Variants in KCTD16 observed in about 807,000 individuals in gnomAD.
KCTD16 encodes the protein BTB/POZ domain-containing protein KCTD16.
In KCTD16, 13 loss-of-function variants were observed where a neutral mutation model predicts 33.2. The ratio of observed to expected loss-of-function variants is 0.39; its 90% CI spans 0.25 to 0.62. The LOEUF (loss-of-function observed/expected upper bound fraction) is 0.62, where lower values mean the gene tolerates loss of function less well. Ranked by LOEUF, KCTD16 falls within the 20% of genes least tolerant of loss-of-function variation. The pLI, the probability that KCTD16 is intolerant of heterozygous loss-of-function variation, is 0.50. For missense variants in KCTD16, 441 were observed against 525.1 expected (o/e 0.84, Z 1.57); for synonymous variants, 197 against 195.3 (o/e 1.01, Z -0.07).
intron 3 of KCTD16, among the ~76,000 whole-genome samples, chr5:144,222,637 A>G (rs1753795608): frequency 6.6e-6 from 1 of 152,222 alleles, no homozygotes; most frequent in African/African-American, 2.4e-5. Flanking sequence ...AAAAGTCAGG[A>G]AACGACAGGT....
intron 3 of KCTD16, among the ~76,000 whole-genome samples, chr5:144,448,439 CT>C (rs1753869383): frequency 6.6e-6 from 1 of 152,020 alleles, no homozygotes; most frequent in Admixed American, 6.6e-5. Context: ...AAGTTTTGAT[CT>C]TTGGAAAGTT....
At chr5:144,214,324 C>G (rs1165491084) in intron 3 of KCTD16, among the ~76,000 whole-genome samples, 1 of 152,108 alleles carries the variant, frequency 6.6e-6, no homozygotes, top group Non-Finnish European at 1.5e-5. Context: ...TGTTCTCCCC[C>G]TCCCGCATCC....
chr5:144,398,417 G>A (rs1752626846), intron 3 of KCTD16, among the ~76,000 whole-genome samples: 1 of 152,094 alleles, frequency 6.6e-6, no homozygotes, highest in Non-Finnish European at 1.5e-5. Flanking sequence ...TGTCCAGAAT[G>A]ATTTATTTTA....
intron 3 of KCTD16, among the ~76,000 whole-genome samples, chr5:144,273,562 G>A (rs908740826): frequency 2.6e-5 from 4 of 152,174 alleles, no homozygotes; most frequent in Admixed American, 2.0e-4. Context: ...AAGCATGGAA[G>A]CAACCTAAGT....
chr5:144,329,038 T>C (rs1356782562), intron 3 of KCTD16, among the ~76,000 whole-genome samples: 1 of 152,162 alleles, frequency 6.6e-6, no homozygotes, highest in East Asian at 1.9e-4. Flanking sequence ...AGCAGTTTTT[T>C]AAAGCCCTCT....
At chr5:144,245,057 A>G (rs1364840435) in intron 3 of KCTD16, among the ~76,000 whole-genome samples, 2 of 152,202 alleles carry the variant, frequency 1.3e-5, no homozygotes, top group African/African-American at 2.4e-5. Context: ...ACCCTCAGAA[A>G]TTTAAACTGT....
At position 144,478,960 on chromosome 5, in the gene KCTD16, G is replaced by A. The variant is rs1754649824; in HGVS notation, c.*4846G>A. 1 of 151,890 alleles carries A rather than the reference G, an allele frequency of 6.6e-6. No individual in the cohort carries two copies. The highest frequency in any genetic ancestry group is 2.1e-4 in the South Asian group (1 of 4,834). The allele number at this position is 151,890 out of a possible 1,614,324, so 9.4% of individuals were successfully genotyped here. On this transcript the variant is annotated 3_prime_UTR_variant, in exon 4 of 4. Coordinates refer to ENST00000512467, the MANE Select transcript of KCTD16 (RefSeq NM_020768.4). ...GGGTTTTTTCCCAAAATAAAAGCCT[G>A]CATTATTATAGTCTTAGCTCTGGGT...
At chr5:144,242,093 TA>T (rs1433161288) in intron 3 of KCTD16, among the ~76,000 whole-genome samples, 16 of 151,186 alleles carry the variant, frequency 1.1e-4, no homozygotes, top group African/African-American at 3.5e-4. Context: ...AATTTTATTT[TA>T]TTTTTTTTGA....
chr5:144,241,473 A>G (rs562834065), intron 3 of KCTD16, among the ~76,000 whole-genome samples: 1 of 152,316 alleles, frequency 6.6e-6, no homozygotes, highest in South Asian at 2.1e-4. Context: ...TAAAGGCACA[A>G]TATTTTATAT....
chr5:144,353,244 G>T (rs1223560815), intron 3 of KCTD16, among the ~76,000 whole-genome samples: 1 of 152,164 alleles, frequency 6.6e-6, no homozygotes, highest in African/African-American at 2.4e-5. Flanking sequence ...GGTCTCCTTT[G>T]TGTTGCTGCT....
intron 3 of KCTD16, among the ~76,000 whole-genome samples, chr5:144,321,326 T>C (rs1260689741): frequency 6.6e-6 from 1 of 152,192 alleles, no homozygotes; most frequent in African/African-American, 2.4e-5. Context: ...AAAATGTGTA[T>C]TCCTAGTCTC....
chr5:144,463,695 A>G (rs1754254840), intron 3 of KCTD16, among the ~76,000 whole-genome samples: 1 of 152,162 alleles, frequency 6.6e-6, no homozygotes, highest in Admixed American at 6.6e-5. Context: ...GATTTGGGTT[A>G]GTTGCTGACC....
chr5:144,206,698 A>T lies in KCTD16; in HGVS notation c.-17A>T. 6.3e-7 allele frequency: 1 copy of T among 1,592,018 alleles called. No homozygotes were observed. The highest frequency in any genetic ancestry group is 1.1e-5 in the South Asian group (1 of 88,370). ...TGCACCTTTAAATCAAAATAGCAGC[A>T]GCAGAAGAAAGGGACAATGGCTCTG... On this transcript the variant is annotated 5_prime_UTR_variant, in exon 3 of 4. Coordinates refer to ENST00000512467, the MANE Select transcript of KCTD16 (RefSeq NM_020768.4).
intron 3 of KCTD16, among the ~76,000 whole-genome samples, chr5:144,293,916 T>C (rs576363639): frequency 6.6e-6 from 1 of 152,256 alleles, no homozygotes; most frequent in Non-Finnish European, 1.5e-5. Flanking sequence ...TCCCAGCACT[T>C]TGGGAGGCCA....
At chr5:144,262,988 G>C (rs1328437149) in intron 3 of KCTD16, among the ~76,000 whole-genome samples, 1 of 152,166 alleles carries the variant, frequency 6.6e-6, no homozygotes, top group Admixed American at 6.5e-5. Flanking sequence ...GAATGATGAT[G>C]ACCTGGTGAC....
At chr5:144,183,092 C>T (rs371656479) in intron 2 of KCTD16, among the ~76,000 whole-genome samples, 4 of 150,864 alleles carry the variant, frequency 2.7e-5, no homozygotes, top group Admixed American at 1.3e-4. Flanking sequence ...GCAAAATAAA[C>T]GTGAAAGAAA....
At position 144,250,005 on chromosome 5, in the gene KCTD16, A is replaced by T. The variant is rs1754654271; in HGVS notation, c.832+42459A>T. 2.0e-5 allele frequency among the ~76,000 whole-genome samples: 3 copies of T among 152,236 alleles called. 1 individual carries two copies. Among genetic ancestry groups the T allele is most frequent in the Non-Finnish European group, 4.4e-5 (3 of 68,044 alleles). ...TTGCCCACTTTTAGAGCCAAATCAGATTTATTAATATCTTCTGACTGGTAT... is the reference window on the plus strand; with the variant it reads ...TTGCCCACTTTTAGAGCCAAATCAGTTTTATTAATATCTTCTGACTGGTAT... On this transcript the variant is annotated intron_variant, in intron 3 of 3. Transcript: ENST00000512467.
chr5:144,267,446 C>A lies in KCTD16; in HGVS notation c.832+59900C>A, dbSNP rs187331403. ...GCTGGTTGTTCTTAATTATCCTAAG[C>A]ATTATGTGAGACAAGCCTCACTTGC... On this transcript the variant is annotated intron_variant, in intron 3 of 3. Transcript: ENST00000512467. Among the ~76,000 whole-genome samples the A allele has an allele frequency of 2.0e-5, 3 of 152,270 alleles. No homozygotes were observed. In the East Asian group the frequency reaches 5.8e-4, roughly 29 times the overall value.
At chr5:144,322,143 A>C (rs1752087920) in intron 3 of KCTD16, among the ~76,000 whole-genome samples, 1 of 152,130 alleles carries the variant, frequency 6.6e-6, no homozygotes, top group South Asian at 2.1e-4. Context: ...TGAGTTTATG[A>C]GTAGCCATAA....
Sources: gnomAD v4.1 joint callset for allele counts (sites outside exome capture counted in the v4.1 genomes callset) on GRCh38, gnomAD v4.1.1 for gene constraint, MANE v1.5 for transcripts, NCBI Gene and HGNC (gene_info 2026-07-23, HGNC 2026-07-21) for gene names.